Variants in SIK3 observed in about 807,000 individuals in gnomAD.
SIK3 encodes serine/threonine-protein kinase SIK3.
In SIK3, 28 loss-of-function variants were observed where a neutral mutation model predicts 144.2. That is an observed-to-expected ratio of 0.19 (90% confidence interval 0.14 to 0.27). The LOEUF (loss-of-function observed/expected upper bound fraction) is 0.27. SIK3 is among the 10% of genes least tolerant of loss of function. The probability of loss-of-function intolerance (pLI) is 1.00; values close to 1 mark genes in which losing one functional copy is unlikely to be tolerated. For missense variants in SIK3, 1,319 were observed against 1,776.0 expected, an observed-to-expected ratio of 0.74 and a Z score of 4.62; for synonymous variants, 686 against 676.3, an observed-to-expected ratio of 1.01 and a Z score of -0.22.
At chr11:116,928,414 T>G (rs1947403324) in intron 3 of SIK3, among the ~76,000 whole-genome samples, 1 of 152,242 alleles carries the variant, frequency 6.6e-6, no homozygotes, top group South Asian at 2.1e-4. Flanking sequence ...GAAAAGGACA[T>G]ATTTGCCATC....
At chr11:116,863,874 C>A in intron 15 of SIK3, 56 bp from the exon 16 acceptor site, 1 of 1,492,390 alleles carries the variant, frequency 6.7e-7, no homozygotes, top group South Asian at 1.3e-5. Context: ...TTGACCAAAT[C>A]ACACAGGGAC....
intron 1 of SIK3, chr11:117,016,039 A>C (rs887985519): frequency 1.3e-5 from 2 of 151,944 alleles, no homozygotes; most frequent in Non-Finnish European, 2.9e-5. Context: ...AGATAAAGAA[A>C]TCCTGGCTAG....
intron 1 of SIK3, among the ~76,000 whole-genome samples, chr11:117,084,885 A>G (rs1954939356): frequency 6.6e-6 from 1 of 152,170 alleles, no homozygotes; most frequent in Admixed American, 6.5e-5. Context: ...GAAATTATAG[A>G]TAATGAATTA....
chr11:116,924,669 G>A (rs1327318499), intron 4 of SIK3, among the ~76,000 whole-genome samples: 1 of 152,184 alleles, frequency 6.6e-6, no homozygotes, highest in African/African-American at 2.4e-5. Flanking sequence ...AAGGAATGGA[G>A]ATGACCCCAG....
intron 22 of SIK3, among the ~76,000 whole-genome samples, chr11:116,848,021 A>AC (rs1484265123): frequency 6.6e-6 from 1 of 151,252 alleles, no homozygotes; most frequent in Non-Finnish European, 1.5e-5. Context: ...CTGAGCACTT[A>AC]AAGTGTGACT....
Position 116,976,213 on chromosome 11 carries a change from T to C in SIK3, c.274-19149A>G, listed in dbSNP as rs1482556590. Among the ~76,000 whole-genome samples the C allele has an allele frequency of 3.3e-5, 5 of 152,360 alleles. No individual in the cohort carries two copies. The East Asian group carries it at 5.8e-4, about 18-fold the overall frequency. On this transcript the variant is annotated intron_variant, in intron 1 of 24. Transcript: ENST00000445177. ...AGAACAAAAGTTTTTAATTTTGATG[T>C]AGTCCATTTATCTATTTTTCCCTTT...
rs761679041 is a variant in SIK3, at chr11:116,858,519, A to C, written c.2946T>G (p.Ser982Arg). ...PLDQFPTFPP[S>R]AHQQPPHYTT... ...TATAGTGTGGCGGCTGCTGATGTGC[A>C]CTGGGAGGGAAGGTGGGGAATTGGT... Residue 982 changes from serine (S) to arginine (R), a missense_variant, in exon 21 of 25, where the codon AGT becomes AGG. By Grantham distance (110) the Ser-to-Arg change is moderately radical (BLOSUM62 -1). Coordinates refer to ENST00000445177, the MANE Select transcript of SIK3 (RefSeq NM_001366686.3). The surrounding 1 kb of genome is among the most constrained non-coding windows in gnomAD (Gnocchi z 5.4). 1.2e-6 allele frequency: 2 copies of C among 1,612,664 alleles called. No homozygotes were observed.
At chr11:117,085,120 T>G (rs1419021098) in intron 1 of SIK3, among the ~76,000 whole-genome samples, 1 of 152,114 alleles carries the variant, frequency 6.6e-6, no homozygotes, top group Admixed American at 6.6e-5. Context: ...TCTCTTTTCT[T>G]TCTTTCCTTT....
At chr11:116,875,121 C>T in intron 11 of SIK3, 37 bp downstream of exon 11, 1 of 1,523,812 alleles carries the variant, frequency 6.6e-7, no homozygotes, top group East Asian at 2.3e-5. Flanking sequence ...CAATTCTTTG[C>T]CCCAGTGTTA....
At chr11:116,906,425 T>C (rs1348113703) in intron 4 of SIK3, among the ~76,000 whole-genome samples, 1 of 152,108 alleles carries the variant, frequency 6.6e-6, no homozygotes. Flanking sequence ...TGAATTATAG[T>C]AGTAAAAGGA....
chr11:116,914,708 G>C (rs937009687), intron 4 of SIK3, among the ~76,000 whole-genome samples: 4 of 152,108 alleles, frequency 2.6e-5, no homozygotes, highest in African/African-American at 7.2e-5. Context: ...TAGAGAAATG[G>C]GGCTTTCCTG....
At chr11:117,032,502 T>C (rs1952305565) in intron 1 of SIK3, among the ~76,000 whole-genome samples, 1 of 152,126 alleles carries the variant, frequency 6.6e-6, no homozygotes, top group African/African-American at 2.4e-5. Context: ...TTTTTGTTTT[T>C]GTTTTGCCTT....
intron 4 of SIK3, among the ~76,000 whole-genome samples, chr11:116,905,661 T>C (rs914560090): frequency 6.6e-6 from 1 of 152,228 alleles, no homozygotes; most frequent in Non-Finnish European, 1.5e-5. Flanking sequence ...GCTGTCCCAG[T>C]GGATGTGAAA....
At chr11:117,059,178 G>A (rs753768642) in intron 1 of SIK3, among the ~76,000 whole-genome samples, 6 of 152,180 alleles carry the variant, frequency 3.9e-5, no homozygotes, top group Non-Finnish European at 8.8e-5. Flanking sequence ...TTGCTACAGA[G>A]AAGTGGAAGA....
At chr11:117,073,149 AG>A (rs1393428183) in intron 1 of SIK3, among the ~76,000 whole-genome samples, 20 of 152,334 alleles carry the variant, frequency 1.3e-4, no homozygotes, top group African/African-American at 4.8e-4. Context: ...TAATGAGGGA[AG>A]GGAGCATTGG....
intron 1 of SIK3, among the ~76,000 whole-genome samples, chr11:116,979,661 A>G (rs1950073061): frequency 6.6e-6 from 1 of 152,198 alleles, no homozygotes; most frequent in African/African-American, 2.4e-5. Context: ...AGACTGACCA[A>G]CATGGCAAGA....
chr11:117,058,719 T>C (rs1379919443), intron 1 of SIK3, among the ~76,000 whole-genome samples: 2 of 151,924 alleles, frequency 1.3e-5, no homozygotes, highest in African/African-American at 2.4e-5. Flanking sequence ...GAAGGAGAAA[T>C]GAAATCAACT....
chr11:116,966,245 A>T (rs1949544370), intron 1 of SIK3, among the ~76,000 whole-genome samples: 3 of 152,056 alleles, frequency 2.0e-5, no homozygotes, highest in Admixed American at 2.0e-4. Flanking sequence ...ATTTTTTAAA[A>T]ATTATCCAGC....
chr11:117,037,160 G>A (rs183666751), intron 1 of SIK3, among the ~76,000 whole-genome samples: 66 of 152,250 alleles, frequency 4.3e-4, no homozygotes, highest in African/African-American at 1.3e-3. Flanking sequence ...AATCTTGGTT[G>A]TGTCTGCTGC....
Sources: allele counts gnomAD v4.1 joint callset (sites outside exome capture counted in the v4.1 genomes callset), GRCh38; gene constraint gnomAD v4.1.1; non-coding constraint Gnocchi (gnomAD v3.1); transcripts MANE v1.5; gene names NCBI Gene and HGNC (gene_info 2026-07-23, HGNC 2026-07-21).